The following TNIP2 variants were observed in gnomAD, a reference collection of about 807,000 sequenced individuals.
The protein encoded by TNIP2 is TNFAIP3 interacting protein 2, also known as TNFAIP3-interacting protein 2.
TNIP2 carries 30 observed loss-of-function variants against 43.7 expected under a neutral mutation model. The ratio of observed to expected loss-of-function variants is 0.69; its 90% CI spans 0.51 to 0.93. The LOEUF is 0.93. TNIP2 is among the 40% of genes least tolerant of loss of function. The pLI is 0.00. For missense variants in TNIP2, 599 were observed against 591.0 expected (o/e 1.01, Z -0.14); for synonymous variants, 260 against 254.6 (o/e 1.02, Z -0.20).
rs759398267 is a variant in TNIP2, at chr4:2,756,013, C to A, written c.276+1G>T. 8 of 1,547,784 alleles carry A rather than the reference C, an allele frequency of 5.2e-6. No homozygotes were observed. The South Asian group carries it at 9.3e-5, about 18-fold the overall frequency. On this transcript the variant is annotated splice_donor_variant, in intron 1 of 5. Coordinates refer to ENST00000315423, the MANE Select transcript of TNIP2 (RefSeq NM_024309.4). LOFTEE classifies it high-confidence loss of function. ...AGCTCCTCTGGTACCCGCCCTCGTA[C>A]CTGGCGCATCTGGGCCTCGGCGGCG... is the stretch of plus-strand genomic sequence containing the variant.
At chr4:2,749,329 C>G (rs778846644) in intron 1 of TNIP2, among the ~76,000 whole-genome samples, 3 of 152,208 alleles carry the variant, frequency 2.0e-5, no homozygotes, top group East Asian at 3.8e-4. Context: ...TAGGTAGAAA[C>G]TCCACTGTGG....
At chr4:2,743,845 A>C (rs1275128018) in intron 5 of TNIP2, among the ~76,000 whole-genome samples, 1 of 152,216 alleles carries the variant, frequency 6.6e-6, no homozygotes, top group African/African-American at 2.4e-5. Flanking sequence ...GCCATGGGTC[A>C]CACACTGAGG....
intron 3 of TNIP2, among the ~76,000 whole-genome samples, chr4:2,745,158 A>G (rs1721911659): frequency 1.3e-5 from 2 of 152,206 alleles, no homozygotes; most frequent in African/African-American, 4.8e-5. Context: ...AGCAGCATGA[A>G]CGGAGGTGGA....
intron 5 of TNIP2, 138 bp from the exon 6 acceptor site, chr4:2,742,658 C>G: frequency 1.1e-6 from 1 of 905,544 alleles, no homozygotes; most frequent in Non-Finnish European, 1.6e-6. Flanking sequence ...TGCTGCGCCC[C>G]AGAGCCCAGA....
At position 2,744,754 on chromosome 4, in the gene TNIP2, C is replaced by A. The variant is rs142078695; in HGVS notation, c.849G>T (p.Ala283=). ...NDCAEVKQEL[A]ASRTARDAAL... ...CAGCATCCCGGGCCGTCCTGGAGGC[C>A]GCCAGCTCCTGCTTCACTTCGGCAC... Residue 283 remains alanine (A), a synonymous_variant, in exon 4 of 6, where the codon GCG becomes GCT. Transcript: ENST00000315423. The surrounding 1 kb of genome is among the most constrained non-coding windows in gnomAD (Gnocchi z 5.1). The A allele has an allele frequency of 6.2e-7, 1 of 1,609,194 alleles. No individual in the cohort carries two copies. The highest frequency in any genetic ancestry group is 8.5e-7 in the Non-Finnish European group (1 of 1,180,030).
rs1721811729 is a variant in TNIP2, at chr4:2,742,296, C to T, written c.1251G>A (p.Gly417=). Residue 417 remains glycine (G), a synonymous_variant, in exon 6 of 6, where the codon GGG becomes GGA. Transcript: ENST00000315423. ...CAGCCACATGCCTGAGGAGCTCTTC[C>T]CCTTGCTCGTCACTGAAGCACTGCA... ...HCLQCFSDEQ[G]EELLRHVAEC... 2.0e-6 allele frequency: 3 copies of T among 1,518,652 alleles called. No individual in the cohort carries two copies. The highest frequency in any genetic ancestry group is 2.7e-6 in the Non-Finnish European group (3 of 1,128,788). 94.1% of individuals were successfully genotyped at this position (1,518,652 alleles called of 1,614,324 possible).
chr4:2,744,307 C>A lies in TNIP2; in HGVS notation c.1026+80G>T, dbSNP rs1375243043. The A allele has an allele frequency of 7.0e-6, 11 of 1,572,042 alleles. No homozygotes were observed. The highest frequency in any genetic ancestry group is 9.6e-6 in the Non-Finnish European group (11 of 1,151,654). ...ACCAGCAAATCAGGGCCTTGGCAGA[C>A]ACAGAAAGGCTCTAATCTCATGAGA... On this transcript the variant is annotated intron_variant, in intron 5 of 5. Transcript: ENST00000315423. The surrounding 1 kb of genome is among the most constrained non-coding windows in gnomAD (Gnocchi z 5.1).
At chr4:2,745,332 A>G (rs1332699591) in intron 3 of TNIP2, 114 bp downstream of exon 3, 13 of 780,718 alleles carry the variant, frequency 1.7e-5, no homozygotes, top group Non-Finnish European at 2.8e-5. Flanking sequence ...GTGTGTATCA[A>G]GTCCTAGTGG....
rs1010702915 is a variant in TNIP2 at position 2,744,130 on chromosome 4, C to T, written c.1026+257G>A. Among the ~76,000 whole-genome samples, 3 of 152,140 alleles carry T rather than the reference C, an allele frequency of 2.0e-5. No homozygotes were observed. The highest frequency in any genetic ancestry group is 4.4e-5 in the Non-Finnish European group (3 of 68,024). ...TGACTGCATGACAGTGACGGACGGG[C>T]CCTGAGGACAGCCACCTCTGCTAAG... On this transcript the variant is annotated intron_variant, in intron 5 of 5. Transcript: ENST00000315423. This position sits in a 1 kb window ranked among gnomAD's most constrained non-coding sequence, Gnocchi z 5.1.
Position 2,744,564 on chromosome 4 carries a change from C to A in TNIP2, c.907-58G>T. On this transcript the variant is annotated intron_variant, in intron 4 of 5. Transcript: ENST00000315423. The surrounding 1 kb of genome is among the most constrained non-coding windows in gnomAD (Gnocchi z 5.1). ...AGGAAGGAGGAAGCGCCCCACCAGG[C>A]TTCTCCCACCCCCACAGTGACCACT... 1 of 1,609,422 alleles carries A rather than the reference C, an allele frequency of 6.2e-7. No homozygotes were observed. The highest frequency in any genetic ancestry group is 2.2e-5 in the East Asian group (1 of 44,822).
chr4:2,755,898 AC>A, intron 1 of TNIP2, 115 bp downstream of exon 1: 1 of 1,242,204 alleles, frequency 8.1e-7, no homozygotes, highest in Non-Finnish European at 1.0e-6. Context: ...CAACCCCAGG[AC>A]CCAGTACCCC....
chr4:2,755,944 C>G (rs1722228741), intron 1 of TNIP2, 70 bp downstream of exon 1: 2 of 1,447,192 alleles, frequency 1.4e-6, no homozygotes, highest in Admixed American at 2.6e-5. Context: ...CGCTCGCTCA[C>G]CCACCCAGGA....
intron 1 of TNIP2, among the ~76,000 whole-genome samples, chr4:2,749,059 G>A (rs528815054): frequency 1.3e-5 from 2 of 152,272 alleles, no homozygotes; most frequent in East Asian, 3.9e-4. Context: ...CCAAAGTGCT[G>A]GGATGACAGG....
At chr4:2,752,619 C>G (rs987133472) in intron 1 of TNIP2, among the ~76,000 whole-genome samples, 8 of 152,186 alleles carry the variant, frequency 5.3e-5, no homozygotes, top group Non-Finnish European at 1.2e-4. Context: ...CCTGCTGTGT[C>G]TTTAACTCTG....
At chr4:2,755,987 C>G in intron 1 of TNIP2, 27 bp downstream of exon 1, 2 of 1,526,170 alleles carry the variant, frequency 1.3e-6, no homozygotes, top group Non-Finnish European at 1.7e-6. Context: ...CTCGCTCCCG[C>G]AGCTCCTCTG....
Position 2,742,712 on chromosome 4 carries a change from C to T in TNIP2, c.1027-192G>A, listed in dbSNP as rs540345334. On this transcript the variant is annotated intron_variant, in intron 5 of 5. Coordinates refer to ENST00000315423, the MANE Select transcript of TNIP2 (RefSeq NM_024309.4). ...ATGACTGAGGATCACACACACGCTC[C>T]GTCATGTGCTCATGAAGAAGTAGGC... 3.9e-5 allele frequency among the ~76,000 whole-genome samples: 6 copies of T among 152,316 alleles called. No homozygotes were observed. The South Asian group carries it at 8.3e-4, about 21-fold the overall frequency.
chr4:2,744,257 G>A lies in TNIP2; in HGVS notation c.1026+130C>T. On this transcript the variant is annotated intron_variant, in intron 5 of 5. Coordinates refer to ENST00000315423, the MANE Select transcript of TNIP2 (RefSeq NM_024309.4). This position sits in a 1 kb window ranked among gnomAD's most constrained non-coding sequence, Gnocchi z 5.1. ...GGCCAGGTGGCTCTCCCCACAGCAG[G>A]GAGGGGCTCGCCACAACCCTCATCA... 3 of 1,211,338 alleles carry A rather than the reference G, an allele frequency of 2.5e-6. No homozygotes were observed. Among genetic ancestry groups the A allele is most frequent in the Non-Finnish European group, 3.5e-6 (3 of 865,384 alleles). 75.0% of individuals were successfully genotyped at this position (1,211,338 alleles called of 1,614,324 possible). A position where few individuals can be genotyped will look rare whatever the true frequency, so the allele number is the denominator to read the frequency against.
At chr4:2,751,221 C>T (rs528209313) in intron 1 of TNIP2, among the ~76,000 whole-genome samples, 6 of 152,336 alleles carry the variant, frequency 3.9e-5, no homozygotes, top group East Asian at 3.9e-4. Context: ...CACAACAGCA[C>T]CTCGACCACT....
chr4:2,751,834 G>A (rs545765560), intron 1 of TNIP2, among the ~76,000 whole-genome samples: 1 of 149,676 alleles, frequency 6.7e-6, no homozygotes, highest in Non-Finnish European at 1.5e-5. Flanking sequence ...GGCCCGGGGC[G>A]GTGGCTCATG....
Sources: allele counts gnomAD v4.1 joint callset (sites outside exome capture counted in the v4.1 genomes callset), GRCh38; gene constraint gnomAD v4.1.1; non-coding constraint Gnocchi (gnomAD v3.1); transcripts MANE v1.5; gene names NCBI Gene and HGNC (gene_info 2026-07-23, HGNC 2026-07-21).